Variants in COA1 observed in about 807,000 individuals in gnomAD.
The protein encoded by COA1 is cytochrome c oxidase assembly factor 1, also known as cytochrome c oxidase assembly factor 1 homolog.
Under a neutral mutation model 16.0 loss-of-function variants are expected in COA1, and 13 were observed. The observed-to-expected ratio is 0.81, with a 90% confidence interval of 0.53 to 1.29. The LOEUF (loss-of-function observed/expected upper bound fraction) is 1.29. Among genes scored for constraint, COA1 ranks in the 50% most tolerant of loss-of-function variants. The probability of loss-of-function intolerance (pLI) is 0.00; values close to 1 mark genes in which losing one functional copy is unlikely to be tolerated. For synonymous variants in COA1, 65 were observed against 65.7 expected, an observed-to-expected ratio of 0.99 and a Z score of 0.05; for missense variants, 179 against 177.0, an observed-to-expected ratio of 1.01 and a Z score of -0.06.
intron 4 of COA1, among the ~76,000 whole-genome samples, chr7:43,644,710 T>TTAGATGATAGATAGA (rs1194512015): frequency 1.4e-4 from 8 of 56,900 alleles, no homozygotes; most frequent in African/African-American, 5.2e-4. Context: ...GATAGATAGA[T>TTAGATGATAGATAGA]TAGATAGATA....
chr7:43,660,212 G>A (rs1037648712), intron 1 of COA1, among the ~76,000 whole-genome samples: 7 of 152,088 alleles, frequency 4.6e-5, no homozygotes, highest in African/African-American at 1.7e-4. Context: ...TCAAGGGCAT[G>A]AATCTAGGTC....
At chr7:43,625,180 A>C in intron 6 of COA1, 1 of 199,636 alleles carries the variant, frequency 5.0e-6, no homozygotes, top group Non-Finnish European at 1.0e-5. Flanking sequence ...AAGTGCCAAA[A>C]CTACACTTCT....
intron 1 of COA1, among the ~76,000 whole-genome samples, chr7:43,693,676 A>T (rs923769979): frequency 6.6e-6 from 1 of 152,160 alleles, no homozygotes; most frequent in Non-Finnish European, 1.5e-5. Context: ...CTTAGAGTCT[A>T]GATCCACCGT....
intron 4 of COA1, among the ~76,000 whole-genome samples, chr7:43,644,817 G>GTGAGAGAGAGAGAGAGAGAGAGAGAGAC (rs2088699961): frequency 7.9e-6 from 1 of 126,614 alleles, no homozygotes; most frequent in Non-Finnish European, 1.9e-5. Context: ...GAGAGAGAGA[G>GTGAGAGAGAGAGAGAGAGAGAGAGAGAC]AGAGAGAGAG....
intron 1 of COA1, among the ~76,000 whole-genome samples, chr7:43,700,401 A>G (rs1006202657): frequency 6.6e-6 from 1 of 152,004 alleles, no homozygotes; most frequent in Non-Finnish European, 1.5e-5. Context: ...AAGTAGTCTG[A>G]TTTGTCTCAT....
chr7:43,711,399 C>A (rs971824632), intron 1 of COA1: 7 of 151,742 alleles, frequency 4.6e-5, no homozygotes, highest in Admixed American at 4.6e-4. Context: ...GTAAGACTTA[C>A]AATGCAGATT....
chr7:43,649,801 G>A (rs1000494556), intron 1 of COA1: 7 of 152,358 alleles, frequency 4.6e-5, no homozygotes, highest in East Asian at 1.9e-4. Context: ...AGAAGGGATG[G>A]GGATGGTTGT....
At chr7:43,608,492 T>C (rs933149635) in exon 7 of COA1, 2 of 1,438,788 alleles carry the variant, frequency 1.4e-6, no homozygotes, top group Non-Finnish European at 1.9e-6. Flanking sequence ...TGTTTCACGT[T>C]TGTGTATTAT....
chr7:43,623,610 A>C (rs1432997375), intron 6 of COA1: 1 of 1,611,582 alleles, frequency 6.2e-7, no homozygotes, highest in South Asian at 1.1e-5. Context: ...AAGCATGGCA[A>C]CAGATATGTG....
chr7:43,647,623 G>A lies in COA1; in HGVS notation c.27C>T (p.Ser9=). 6.2e-7 allele frequency: 1 copy of A among 1,611,938 alleles called. No individual in the cohort carries two copies. The highest frequency in any genetic ancestry group is 8.5e-7 in the Non-Finnish European group (1 of 1,178,444). The change falls in exon 3 of 6, where the codon AGC becomes AGT. Residue 9 remains serine (S), a synonymous_variant. Coordinates refer to ENST00000223336, the MANE Select transcript of COA1 (RefSeq NM_018224.4). ...TTGCTCCCAGAGGCATTGACCGCCTGCTTCCTGCATACTTAAAAACAAAAG... is the reference window on the plus strand; with the variant it reads ...TTGCTCCCAGAGGCATTGACCGCCTACTTCCTGCATACTTAAAAACAAAAG... MMWQKYAG[S]RRSMPLGARI...
chr7:43,663,925 A>G (rs2092678421), intron 1 of COA1, among the ~76,000 whole-genome samples: 1 of 152,094 alleles, frequency 6.6e-6, no homozygotes, highest in East Asian at 1.9e-4. Context: ...AGTCTGGGCA[A>G]CATGGTGAAA....
At chr7:43,647,795 C>T in intron 2 of COA1, 161 bp from the exon 3 acceptor site, 1 of 621,210 alleles carries the variant, frequency 1.6e-6, no homozygotes, top group African/African-American at 1.8e-5. Flanking sequence ...AGGGTTGGTT[C>T]TGAAGCCAAA....
At chr7:43,708,694 GC>G (rs2095095453) in intron 1 of COA1, among the ~76,000 whole-genome samples, 1 of 151,894 alleles carries the variant, frequency 6.6e-6, no homozygotes, top group African/African-American at 2.4e-5. Flanking sequence ...TATTCTACTG[GC>G]TTGTCTTTTT....
chr7:43,659,906 A>AT lies in COA1; in HGVS notation c.-38-11255dup, dbSNP rs564726597. ...AAAGAGGTAATTAAATTAATATGAG[A>AT]TTTTCAGGGTGCATCTTAATCCGAT... On this transcript the variant is annotated intron_variant, in intron 1 of 5. Coordinates refer to ENST00000223336, the MANE Select transcript of COA1 (RefSeq NM_018224.4). Among the ~76,000 whole-genome samples, 315 of 151,942 alleles carry AT rather than the reference A, an allele frequency of 2.1e-3. 2 individuals are homozygous for AT. Among genetic ancestry groups the AT allele is most frequent in the Non-Finnish European group, 2.9e-3 (198 of 67,948 alleles).
intron 6 of COA1, among the ~76,000 whole-genome samples, chr7:43,618,237 C>A (rs1320535986): frequency 6.6e-6 from 1 of 152,132 alleles, no homozygotes; most frequent in African/African-American, 2.4e-5. Flanking sequence ...CTGGAAGGAG[C>A]AGGGGAGGCC....
At chr7:43,674,885 G>C (rs2129794746) in intron 1 of COA1, among the ~76,000 whole-genome samples, 1 of 152,324 alleles carries the variant, frequency 6.6e-6, no homozygotes. Context: ...TTTCAAAACA[G>C]CTGGTAAAGT....
In COA1 at chr7:43,696,375, A is replaced by C. The variant is rs542635248; in HGVS notation, c.-39+33054T>G. Among the ~76,000 whole-genome samples the C allele has an allele frequency of 7.2e-5, 11 of 152,358 alleles. No homozygotes were observed. In the East Asian group the frequency reaches 1.9e-3, roughly 27 times the overall value. On this transcript the variant is annotated intron_variant, in intron 1 of 5. Transcript: ENST00000223336. ...TGGCCCCGCCATTGACATATGCGGA[A>C]TATTATAATTCAAGGTGAGATTTGG...
intron 6 of COA1, among the ~76,000 whole-genome samples, chr7:43,621,814 C>A (rs1051537677): frequency 5.3e-5 from 8 of 152,088 alleles, no homozygotes; most frequent in Non-Finnish European, 2.9e-5. Context: ...AAAAATGATT[C>A]AAAAGTACAT....
At chr7:43,684,285 G>C (rs2093913032) in intron 1 of COA1, among the ~76,000 whole-genome samples, 1 of 152,132 alleles carries the variant, frequency 6.6e-6, no homozygotes, top group African/African-American at 2.4e-5. Context: ...TATAGCTGCT[G>C]ATCTAACAGG....
Sources: gnomAD v4.1 joint callset for allele counts (sites outside exome capture counted in the v4.1 genomes callset) on GRCh38, gnomAD v4.1.1 for gene constraint, MANE v1.5 for transcripts, NCBI Gene and HGNC (gene_info 2026-07-23, HGNC 2026-07-21) for gene names.